ZFPM2: variants seen among roughly 807,000 people sequenced by gnomAD.
ZFPM2 encodes zinc finger protein ZFPM2.
A neutral mutation model predicts 98.6 loss-of-function variants in ZFPM2; 20 were observed. The observed-to-expected ratio is 0.20, with a 90% CI of 0.14 to 0.29. The LOEUF (loss-of-function observed/expected upper bound fraction) is 0.29, where lower values mean the gene tolerates loss of function less well. ZFPM2 is among the 10% of genes least tolerant of loss of function. The pLI, the probability that ZFPM2 is intolerant of heterozygous loss-of-function variation, is 1.00. For synonymous variants in ZFPM2, 518 were observed against 502.7 expected (o/e 1.03, Z -0.41); for missense variants, 1,310 against 1,388.6 (o/e 0.94, Z 0.90).
chr8:105,507,032 C>T (rs1271263471), intron 3 of ZFPM2, among the ~76,000 whole-genome samples: 3 of 150,978 alleles, frequency 2.0e-5, no homozygotes, highest in Admixed American at 6.6e-5. Flanking sequence ...TTTGAAACAG[C>T]ATAATAAGAG....
chr8:105,545,825 A>G (rs1333718337), intron 3 of ZFPM2, among the ~76,000 whole-genome samples: 1 of 152,322 alleles, frequency 6.6e-6, no homozygotes, highest in East Asian at 1.9e-4. Flanking sequence ...ATTGTTTTAA[A>G]TATGGTTGTG....
chr8:105,586,709 C>G (rs1815724962), intron 4 of ZFPM2, among the ~76,000 whole-genome samples: 1 of 151,876 alleles, frequency 6.6e-6, no homozygotes, highest in Non-Finnish European at 1.5e-5. Context: ...GCGTGAGCCA[C>G]CATGCCTGAT....
Position 105,318,819 on chromosome 8 carries a change from C to CGGCCGGCGGCGGGCCGAGCCT in ZFPM2, c.-118_-98dup. On this transcript the variant is annotated 5_prime_UTR_variant, in exon 1 of 8. Transcript: ENST00000407775. ...CCCAGCGCCCGGAGCACCTGGAGTC[C>CGGCCGGCGGCGGGCCGAGCCT]GGCCGGCGGCGGGCCGAGCCTGGCC... 1 of 463,054 alleles carries CGGCCGGCGGCGGGCCGAGCCT rather than the reference C, an allele frequency of 2.2e-6. No individual in the cohort carries two copies. Among genetic ancestry groups the CGGCCGGCGGCGGGCCGAGCCT allele is most frequent in the Non-Finnish European group, 2.8e-6 (1 of 354,490 alleles). 28.7% of individuals were successfully genotyped at this position (463,054 alleles called of 1,614,324 possible). A position where few individuals can be genotyped will look rare whatever the true frequency, so the allele number is the denominator to read the frequency against.
At chr8:105,626,804 A>G (rs1816663952) in intron 4 of ZFPM2, among the ~76,000 whole-genome samples, 1 of 152,216 alleles carries the variant, frequency 6.6e-6, no homozygotes. Context: ...TAAGGAAGCC[A>G]CACACCAAAA....
At chr8:105,360,180 CTG>C (rs2129755716) in intron 1 of ZFPM2, among the ~76,000 whole-genome samples, 1 of 152,272 alleles carries the variant, frequency 6.6e-6, no homozygotes, top group Non-Finnish European at 1.5e-5. Flanking sequence ...GAAGTTGTCT[CTG>C]TACCGAATTA....
At chr8:105,483,598 A>C (rs535478025) in intron 3 of ZFPM2, among the ~76,000 whole-genome samples, 1 of 152,102 alleles carries the variant, frequency 6.6e-6, no homozygotes, top group Non-Finnish European at 1.5e-5. Context: ...TCAAAAAAAA[A>C]AAAAAATGTT....
intron 1 of ZFPM2, among the ~76,000 whole-genome samples, chr8:105,336,694 A>ATT (rs1812332564): frequency 7.1e-6 from 1 of 140,718 alleles, no homozygotes; most frequent in African/African-American, 2.8e-5. Flanking sequence ...TACTCCACAC[A>ATT]CACACACACA....
At chr8:105,458,977 A>G (rs186665085) in intron 3 of ZFPM2, among the ~76,000 whole-genome samples, 170 of 152,330 alleles carry the variant, frequency 1.1e-3, no homozygotes, top group South Asian at 2.7e-3. Context: ...AAAAAACTTT[A>G]AAGACATTAT....
chr8:105,379,367 C>T (rs1810795787), intron 1 of ZFPM2, among the ~76,000 whole-genome samples: 1 of 152,098 alleles, frequency 6.6e-6, no homozygotes, highest in Non-Finnish European at 1.5e-5. Flanking sequence ...GAATTTTTAT[C>T]CTCTTGAGTT....
chr8:105,359,380 T>TTG (rs1812813224), intron 1 of ZFPM2, among the ~76,000 whole-genome samples: 1 of 150,738 alleles, frequency 6.6e-6, no homozygotes, highest in Non-Finnish European at 1.5e-5. Flanking sequence ...TTTTTTTTTT[T>TTG]TTGTTGTTGT....
At chr8:105,541,067 T>C (rs1814566058) in intron 3 of ZFPM2, among the ~76,000 whole-genome samples, 1 of 152,142 alleles carries the variant, frequency 6.6e-6, no homozygotes, top group African/African-American at 2.4e-5. Flanking sequence ...AGTTAAAGCA[T>C]GATCCCATGT....
At chr8:105,759,423 C>T (rs1812685482) in intron 5 of ZFPM2, among the ~76,000 whole-genome samples, 1 of 152,058 alleles carries the variant, frequency 6.6e-6, no homozygotes, top group Non-Finnish European at 1.5e-5. Context: ...ACAATATCCG[C>T]TTCACAGACA....
chr8:105,335,203 C>G (rs1284798144), intron 1 of ZFPM2, among the ~76,000 whole-genome samples: 1 of 151,804 alleles, frequency 6.6e-6, no homozygotes, highest in South Asian at 2.1e-4. Flanking sequence ...TTTGAAGGAA[C>G]CTAGAGCCTA....
chr8:105,379,740 T>C (rs1586328701), intron 1 of ZFPM2, among the ~76,000 whole-genome samples: 1 of 129,858 alleles, frequency 7.7e-6, no homozygotes. Flanking sequence ...GTAACAAGAG[T>C]GAAACTCTGT....
At position 105,798,535 on chromosome 8, in the gene ZFPM2, G is replaced by A. The variant is rs1166524472; in HGVS notation, c.740-189G>A. ...TCTAGAGTCTGTGGGAAGTTAAATT[G>A]CAGAGTACAACATTTCTTTAAAAGT... is the stretch of plus-strand genomic sequence containing the variant. On this transcript the variant is annotated intron_variant, in intron 6 of 7. Transcript: ENST00000407775. 7.7e-6 allele frequency: 4 copies of A among 522,280 alleles called. No homozygotes were observed. In the East Asian group the frequency reaches 1.2e-4, roughly 15 times the overall value. 32.4% of individuals were successfully genotyped at this position (522,280 alleles called of 1,614,324 possible).
intron 5 of ZFPM2, among the ~76,000 whole-genome samples, chr8:105,773,408 T>G (rs980307791): frequency 1.1e-4 from 16 of 152,260 alleles, no homozygotes; most frequent in Admixed American, 9.8e-4. Flanking sequence ...TTATGAAAGT[T>G]TTAGATGTAG....
rs200639878 is a variant in ZFPM2 at position 105,456,146 on chromosome 8, G to GTTTTTTTT, written c.301+11767_301+11774dup. 5.4e-5 allele frequency among the ~76,000 whole-genome samples: 5 copies of GTTTTTTTT among 93,282 alleles called. 1 individual carries two copies. Among genetic ancestry groups the GTTTTTTTT allele is most frequent in the Non-Finnish European group, 7.3e-5 (3 of 41,012 alleles). The allele number at this position is 93,282 out of a possible 152,430, so 61.2% of individuals were successfully genotyped here. The stretch of plus-strand genomic sequence containing the variant: ...AGAAGATGGGGAAAACCAGGAAAAT[G>GTTTTTTTT]TTTTTTTTTGTTTGTTTGTTTGTTT... On this transcript the variant is annotated intron_variant, in intron 3 of 7. Transcript: ENST00000407775.
chr8:105,678,539 A>T (rs1392807101), intron 5 of ZFPM2: 1 of 152,350 alleles, frequency 6.6e-6, no homozygotes, highest in East Asian at 1.9e-4. Context: ...TGGACACCAC[A>T]TATGAGGAAA....
At chr8:105,497,976 A>G (rs183568884) in intron 3 of ZFPM2, among the ~76,000 whole-genome samples, 5 of 147,876 alleles carry the variant, frequency 3.4e-5, no homozygotes, top group Non-Finnish European at 7.5e-5. Context: ...CACTTGAGCT[A>G]GGAGTTCAGG....
Sources: allele counts gnomAD v4.1 joint callset (sites outside exome capture counted in the v4.1 genomes callset), GRCh38; gene constraint gnomAD v4.1.1; transcripts MANE v1.5; gene names NCBI Gene and HGNC (gene_info 2026-07-23, HGNC 2026-07-21).